Variants in MALRD1 observed in about 807,000 individuals in gnomAD.
MALRD1 encodes MAM and LDL-receptor class A domain-containing protein 1.
MALRD1 carries 247 observed loss-of-function variants against 242.1 expected under a neutral mutation model. The observed-to-expected ratio is 1.02, with a 90% CI of 0.92 to 1.13. The LOEUF is 1.13. MALRD1 is among the 50% of genes most tolerant of loss of function. The pLI, the probability that MALRD1 is intolerant of heterozygous loss-of-function variation, is 0.00. For missense variants in MALRD1, 2,989 were observed against 2,533.1 expected (o/e 1.18, Z -3.86); for synonymous variants, 995 against 866.6 (o/e 1.15, Z -2.60).
At chr10:19,503,319 A>C (rs1489858037) in intron 31 of MALRD1, among the ~76,000 whole-genome samples, 1 of 152,226 alleles carries the variant, frequency 6.6e-6, no homozygotes, top group Non-Finnish European at 1.5e-5. Flanking sequence ...CCTATGGTCT[A>C]TTTCTAAGCA....
chr10:19,429,196 A>G (rs1346964030), intron 28 of MALRD1, among the ~76,000 whole-genome samples: 1 of 152,246 alleles, frequency 6.6e-6, no homozygotes. Context: ...TGAGGAAAAC[A>G]AAGCCAGAAT....
chr10:19,378,831 C>T (rs184560557), intron 26 of MALRD1, among the ~76,000 whole-genome samples: 78 of 152,168 alleles, frequency 5.1e-4, no homozygotes, highest in African/African-American at 1.9e-3. Context: ...ATAAAATACA[C>T]GTGAGAGTGC....
chr10:19,676,746 T>C (rs1236808742), intron 36 of MALRD1, among the ~76,000 whole-genome samples: 1 of 152,180 alleles, frequency 6.6e-6, no homozygotes, highest in Non-Finnish European at 1.5e-5. Context: ...TGTGCTATAG[T>C]GGTTTGCTGC....
intron 32 of MALRD1, among the ~76,000 whole-genome samples, chr10:19,532,245 A>G (rs1305018778): frequency 1.3e-5 from 2 of 152,090 alleles, no homozygotes; most frequent in East Asian, 1.9e-4. Flanking sequence ...CAAAAATCTG[A>G]TATCTTTTTT....
intron 21 of MALRD1, among the ~76,000 whole-genome samples, chr10:19,287,658 G>T (rs954722106): frequency 2.0e-5 from 3 of 152,000 alleles, no homozygotes; most frequent in African/African-American, 7.2e-5. Context: ...ATTTGGTAAT[G>T]GTGCTGGGAT....
At position 19,436,596 on chromosome 10, in the gene MALRD1, G is replaced by A. The variant is rs530859952; in HGVS notation, c.4846-13711G>A. 7.9e-5 allele frequency among the ~76,000 whole-genome samples: 12 copies of A among 152,220 alleles called. 1 individual carries two copies. The highest frequency in any genetic ancestry group is 6.2e-4 in the South Asian group (3 of 4,826). ...TTAGTAACCAGAGTACAGTGCTTAC[G>A]TGCAGTTCCTTTTCCCTTTAGTTTT... On this transcript the variant is annotated intron_variant, in intron 28 of 39. Coordinates refer to ENST00000454679, the MANE Select transcript of MALRD1 (RefSeq NM_001142308.3).
At chr10:19,205,910 ATT>A (rs200271233) in intron 17 of MALRD1, among the ~76,000 whole-genome samples, 4 of 145,750 alleles carry the variant, frequency 2.7e-5, no homozygotes, top group African/African-American at 7.5e-5. Flanking sequence ...AGTTAATAGG[ATT>A]TTTTTTTTTT....
chr10:19,489,958 G>C (rs1837408858), intron 29 of MALRD1, among the ~76,000 whole-genome samples: 1 of 152,110 alleles, frequency 6.6e-6, no homozygotes, highest in African/African-American at 2.4e-5. Flanking sequence ...TGCATATGTA[G>C]CATACATGCT....
chr10:19,239,677 A>C (rs1472493121), intron 18 of MALRD1, among the ~76,000 whole-genome samples: 1 of 152,148 alleles, frequency 6.6e-6, no homozygotes, highest in African/African-American at 2.4e-5. Flanking sequence ...ATTTTTGTAT[A>C]AGGTAAAAGA....
chr10:19,513,212 T>A (rs1251616584), intron 31 of MALRD1, among the ~76,000 whole-genome samples: 1 of 152,122 alleles, frequency 6.6e-6, no homozygotes, highest in African/African-American at 2.4e-5. Flanking sequence ...GGCATGGTGC[T>A]CCATCTCTGG....
At chr10:19,283,232 A>G (rs912540739) in intron 21 of MALRD1, 51 bp downstream of exon 21, 14 of 1,353,176 alleles carry the variant, frequency 1.0e-5, no homozygotes, top group Non-Finnish European at 1.4e-5. Flanking sequence ...TTTATTAAGC[A>G]TCTCCCAAAT....
At chr10:19,328,853 A>T (rs1313396773) in intron 23 of MALRD1, among the ~76,000 whole-genome samples, 2 of 152,152 alleles carry the variant, frequency 1.3e-5, no homozygotes, top group Admixed American at 6.6e-5. Context: ...TATTAGAGGG[A>T]TCCCAACTGT....
intron 28 of MALRD1, among the ~76,000 whole-genome samples, chr10:19,442,928 G>T (rs1834751813): frequency 6.6e-6 from 1 of 152,150 alleles, no homozygotes; most frequent in Non-Finnish European, 1.5e-5. Context: ...GGTAGAATTA[G>T]GCTGTGAATC....
At position 19,130,107 on chromosome 10, in the gene MALRD1, C is replaced by T. The variant is rs765133824; in HGVS notation, c.1110+1720C>T. Among the ~76,000 whole-genome samples the T allele has an allele frequency of 5.9e-5, 9 of 152,104 alleles. 1 individual carries two copies. The South Asian group carries it at 1.7e-3, about 28-fold the overall frequency. On this transcript the variant is annotated intron_variant, in intron 8 of 39. Transcript: ENST00000454679. ...TTCTTGCAATAGTACTTTGTAGTCA[C>T]TGCCCTGCAATCTATTTAATATATT...
At chr10:19,644,209 C>G (rs1840544012) in intron 36 of MALRD1, among the ~76,000 whole-genome samples, 1 of 152,200 alleles carries the variant, frequency 6.6e-6, no homozygotes, top group South Asian at 2.1e-4. Flanking sequence ...CATCTTCAAA[C>G]TCTTGATGTT....
intron 18 of MALRD1, among the ~76,000 whole-genome samples, chr10:19,215,413 T>C (rs1837264504): frequency 6.6e-6 from 1 of 152,196 alleles, no homozygotes; most frequent in Non-Finnish European, 1.5e-5. Context: ...CAAGGTTAAT[T>C]TTTTTCCTTG....
chr10:19,087,805 G>GTTT, intron 2 of MALRD1, 35 bp from the exon 3 acceptor site: 8 of 1,070,742 alleles, frequency 7.5e-6, no homozygotes, highest in Non-Finnish European at 9.5e-6. Context: ...ATTCTTTCTG[G>GTTT]TTTTTTTTTG....
intron 36 of MALRD1, among the ~76,000 whole-genome samples, chr10:19,657,494 G>C (rs1387906240): frequency 6.6e-6 from 1 of 152,024 alleles, no homozygotes; most frequent in Non-Finnish European, 1.5e-5. Flanking sequence ...TACATACTGA[G>C]AAATGACTAC....
At chr10:19,125,282 TTTCTTTCTTTCC>T (rs1255094406) in intron 7 of MALRD1, among the ~76,000 whole-genome samples, 41 of 97,322 alleles carry the variant, frequency 4.2e-4, no homozygotes, top group African/African-American at 1.9e-3. Context: ...TCTTTCTTTC[TTTCTTTCTTTCC>T]TTCCTTCCTT....
Sources: allele counts gnomAD v4.1 joint callset (sites outside exome capture counted in the v4.1 genomes callset), GRCh38; gene constraint gnomAD v4.1.1; transcripts MANE v1.5; gene names NCBI Gene and HGNC (gene_info 2026-07-23, HGNC 2026-07-21).